Variants in RFFL observed in about 807,000 individuals in gnomAD.
RFFL encodes the protein E3 ubiquitin-protein ligase rififylin.
RFFL carries 16 observed loss-of-function variants against 40.4 expected under a neutral mutation model. The ratio of observed to expected loss-of-function variants is 0.40; its 90% CI spans 0.27 to 0.60. The LOEUF is 0.60. RFFL is among the 20% of genes least tolerant of loss of function. The probability of loss-of-function intolerance (pLI) is 0.47; values close to 1 mark genes in which losing one functional copy is unlikely to be tolerated. For missense variants in RFFL, 367 were observed against 451.7 expected (o/e 0.81, Z 1.70); for synonymous variants, 154 against 167.9 (o/e 0.92, Z 0.64).
chr17:35,048,004 G>A (rs2091210118), intron 1 of RFFL, among the ~76,000 whole-genome samples: 4 of 151,752 alleles, frequency 2.6e-5, no homozygotes, highest in Admixed American at 2.0e-4. Flanking sequence ...CATTCACCTT[G>A]GCCTTCCACA....
intron 1 of RFFL, among the ~76,000 whole-genome samples, chr17:35,046,419 C>G (rs907703749): frequency 6.6e-6 from 1 of 152,186 alleles, no homozygotes; most frequent in Non-Finnish European, 1.5e-5. Context: ...CCGACCTCTA[C>G]CAGACACACC....
At chr17:35,073,043 C>A (rs190730941) in intron 1 of RFFL, among the ~76,000 whole-genome samples, 97 of 143,286 alleles carry the variant, frequency 6.8e-4, no homozygotes, top group African/African-American at 7.0e-4. Flanking sequence ...AACTCCGTCT[C>A]AAAAAAAAAA....
At chr17:35,076,860 G>T (rs2091379763) in intron 1 of RFFL, 2 of 241,704 alleles carry the variant, frequency 8.3e-6, no homozygotes. Flanking sequence ...AGTATAACTG[G>T]AGTGCCAAGG....
At chr17:35,015,322 G>A (rs1323363978) in intron 5 of RFFL, among the ~76,000 whole-genome samples, 1 of 152,190 alleles carries the variant, frequency 6.6e-6, no homozygotes, top group Non-Finnish European at 1.5e-5. Flanking sequence ...CCAAGTAGAA[G>A]GATACTGTAT....
intron 1 of RFFL, among the ~76,000 whole-genome samples, chr17:35,053,863 C>T (rs1567711687): frequency 6.6e-6 from 1 of 152,124 alleles, no homozygotes; most frequent in South Asian, 2.1e-4. Context: ...TTCCAGAATC[C>T]CGTTAACGGA....
chr17:35,040,586 G>A (rs1427969298), intron 1 of RFFL, among the ~76,000 whole-genome samples: 2 of 148,860 alleles, frequency 1.3e-5, no homozygotes, highest in African/African-American at 2.5e-5. Flanking sequence ...CTGGGCGACA[G>A]AGCGAGACTC....
intron 1 of RFFL, among the ~76,000 whole-genome samples, chr17:35,045,940 C>T (rs1416526244): frequency 6.6e-6 from 1 of 150,998 alleles, no homozygotes; most frequent in African/African-American, 2.4e-5. Flanking sequence ...GCAGGAGTAT[C>T]GCTTGAACCT....
intron 1 of RFFL, among the ~76,000 whole-genome samples, chr17:35,051,021 A>C (rs187283984): frequency 6.6e-6 from 1 of 152,330 alleles, no homozygotes; most frequent in Non-Finnish European, 1.5e-5. Flanking sequence ...TTATAGGCTA[A>C]AATTTCCCAT....
At chr17:35,066,934 T>C (rs914589645), upstream of RFFL, among the ~76,000 whole-genome samples, 2 of 151,980 alleles carry the variant, frequency 1.3e-5, no homozygotes, top group African/African-American at 4.8e-5. Flanking sequence ...CAACCAAATA[T>C]TTATCATCTA....
At position 35,059,606 on chromosome 17, in the gene RFFL, T is replaced by C. The variant is rs7208410; in HGVS notation, c.-9+3970A>G. Among the ~76,000 whole-genome samples the C allele has an allele frequency of 5.8e-3, 883 of 152,324 alleles. 8 individuals are homozygous for C. The highest frequency in any genetic ancestry group is 0.019 in the African/African-American group (803 of 41,572). ...AACAGTCAGAAATTCAACACTCTCT[T>C]GGGCAGTCATTCAAACATTTCCCCA... On this transcript the variant is annotated intron_variant, in intron 1 of 6. Transcript: ENST00000394597.
chr17:35,079,469 T>C (rs17668722), intron 1 of RFFL, among the ~76,000 whole-genome samples: 10,843 of 152,306 alleles, frequency 0.071, 528 homozygotes, highest in Non-Finnish European at 0.094. Flanking sequence ...CGTATTTTCC[T>C]TTTTAATACT....
chr17:35,031,394 AC>A (rs1415985153), intron 1 of RFFL, among the ~76,000 whole-genome samples: 2 of 152,066 alleles, frequency 1.3e-5, no homozygotes, highest in Non-Finnish European at 2.9e-5. Flanking sequence ...GGCGTGAGCC[AC>A]CACACCTGGC....
At chr17:35,033,514 G>A (rs954980165) in intron 1 of RFFL, among the ~76,000 whole-genome samples, 1 of 151,568 alleles carries the variant, frequency 6.6e-6, no homozygotes, top group Non-Finnish European at 1.5e-5. Context: ...GGCATTTTGA[G>A]CGAAACTCTG....
Position 35,016,469 on chromosome 17 carries a change from C to A in RFFL, c.787G>T (p.Ala263Ser). 6.2e-7 allele frequency: 1 copy of A among 1,614,202 alleles called. No individual in the cohort carries two copies. The highest frequency in any genetic ancestry group is 8.5e-7 in the Non-Finnish European group (1 of 1,180,026). Reference protein sequence around the residue: ...LTVRQLKEILARNFVNYKGCC... With the variant: ...LTVRQLKEILSRNFVNYKGCC... Reference sequence around the variant, plus strand: ...CCCTTGTAGTTGACAAAGTTGCGAGCCAAGATCTCTTTCAGCTGCCGCACT... The same window carrying A: ...CCCTTGTAGTTGACAAAGTTGCGAGACAAGATCTCTTTCAGCTGCCGCACT... Residue 263 changes from alanine to serine, a missense_variant, in exon 5 of 7, where the codon GCT (alanine) becomes TCT (serine). Ala to Ser is a moderately conservative substitution (Grantham distance 99). Transcript: ENST00000394597.
At chr17:35,080,072 A>T (rs2091396720) in intron 1 of RFFL, among the ~76,000 whole-genome samples, 1 of 152,120 alleles carries the variant, frequency 6.6e-6, no homozygotes, top group African/African-American at 2.4e-5. Flanking sequence ...AAACTAGCTG[A>T]ATTTCAGTGG....
intron 1 of RFFL, among the ~76,000 whole-genome samples, chr17:35,051,341 C>T (rs1046696154): frequency 3.9e-5 from 6 of 152,288 alleles, no homozygotes; most frequent in East Asian, 3.9e-4. Context: ...CACAGGCACA[C>T]GAGTTACAGC....
intron 1 of RFFL, among the ~76,000 whole-genome samples, chr17:35,076,431 A>T (rs1347853980): frequency 1.3e-5 from 2 of 151,958 alleles, no homozygotes; most frequent in African/African-American, 4.8e-5. Context: ...CTATAATTGT[A>T]GCACTTTGGG....
chr17:35,084,067 T>C (rs2091416778), intron 1 of RFFL, among the ~76,000 whole-genome samples: 1 of 151,944 alleles, frequency 6.6e-6, no homozygotes, highest in Non-Finnish European at 1.5e-5. Flanking sequence ...GGTGAAACCC[T>C]GCCTCTGCTA....
chr17:35,031,043 T>C (rs1807557324), intron 1 of RFFL, among the ~76,000 whole-genome samples: 1 of 152,028 alleles, frequency 6.6e-6, no homozygotes, highest in South Asian at 2.1e-4. Flanking sequence ...ACCTACAGAT[T>C]TCACAACAAT....
Sources: gnomAD v4.1 joint callset for allele counts (sites outside exome capture counted in the v4.1 genomes callset) on GRCh38, gnomAD v4.1.1 for gene constraint, MANE v1.5 for transcripts, NCBI Gene and HGNC (gene_info 2026-07-23, HGNC 2026-07-21) for gene names.